Variants in ERBIN observed in about 807,000 individuals in gnomAD.
ERBIN encodes erbb2 interacting protein.
ERBIN carries 60 observed loss-of-function variants against 158.4 expected under a neutral mutation model. The ratio of observed to expected loss-of-function variants is 0.38; its 90% CI spans 0.31 to 0.47. The LOEUF (loss-of-function observed/expected upper bound fraction) is 0.47, where lower values mean the gene tolerates loss of function less well. ERBIN is among the 20% of genes least tolerant of loss of function. The pLI is 0.99. For missense variants in ERBIN, 1,610 were observed against 1,648.0 expected (o/e 0.98, Z 0.40); for synonymous variants, 594 against 557.2 (o/e 1.07, Z -0.93).
At chr5:66,044,671 A>G (rs1758237921) in intron 17 of ERBIN, among the ~76,000 whole-genome samples, 1 of 152,070 alleles carries the variant, frequency 6.6e-6, no homozygotes, top group Admixed American at 6.5e-5. Context: ...AGGCTGAGGC[A>G]GGAGAATCGC....
At chr5:66,068,497 A>G (rs1435045551) in intron 21 of ERBIN, among the ~76,000 whole-genome samples, 2 of 152,186 alleles carry the variant, frequency 1.3e-5, no homozygotes, top group Non-Finnish European at 2.9e-5. Context: ...ATCTTTATAT[A>G]GAGAAATTAA....
intron 23 of ERBIN, 104 bp downstream of exon 23, chr5:66,075,334 T>C: frequency 2.1e-6 from 2 of 941,410 alleles, no homozygotes; most frequent in South Asian, 1.6e-5. Flanking sequence ...AACGTAGTTA[T>C]TACCATTTAA....
chr5:66,068,990 C>T, intron 21 of ERBIN: 1 of 1,534,630 alleles, frequency 6.5e-7, no homozygotes, highest in Non-Finnish European at 8.7e-7. Context: ...GTGTTGCAGA[C>T]AGAAGAGGTT....
At chr5:66,012,307 G>T (rs1333281837) in intron 5 of ERBIN, among the ~76,000 whole-genome samples, 180 bp downstream of exon 5, 1 of 152,066 alleles carries the variant, frequency 6.6e-6, no homozygotes, top group Admixed American at 6.5e-5. Context: ...TACTACTGAG[G>T]TAAATTTGTG....
chr5:66,030,213 A>G (rs998949390), intron 14 of ERBIN, among the ~76,000 whole-genome samples: 9 of 148,554 alleles, frequency 6.1e-5, no homozygotes, highest in African/African-American at 1.7e-4. Flanking sequence ...TAATTTTTGT[A>G]TTTTTTTTAG....
At chr5:66,076,980 T>C in intron 25 of ERBIN, 31 bp downstream of exon 25, 1 of 1,382,396 alleles carries the variant, frequency 7.2e-7, no homozygotes, top group East Asian at 2.3e-5. Flanking sequence ...TTTTTTTCAT[T>C]TTATAACACT....
At chr5:65,997,432 C>A (rs1414663240) in intron 4 of ERBIN, among the ~76,000 whole-genome samples, 1 of 151,962 alleles carries the variant, frequency 6.6e-6, no homozygotes. Context: ...GCCAGGTAGT[C>A]TTGTTTAGTA....
intron 1 of ERBIN, among the ~76,000 whole-genome samples, chr5:65,933,054 A>G (rs1418760547): frequency 1.3e-5 from 2 of 152,176 alleles, no homozygotes; most frequent in African/African-American, 2.4e-5. Context: ...TGGTCTCCCA[A>G]AGTGCTGGGA....
At chr5:65,976,021 G>A (rs555387228) in intron 1 of ERBIN, among the ~76,000 whole-genome samples, 4 of 152,170 alleles carry the variant, frequency 2.6e-5, no homozygotes, top group African/African-American at 9.7e-5. Context: ...ATTCATGGAG[G>A]AAAAGAAGTT....
At position 66,081,442 on chromosome 5, in the gene ERBIN, T is replaced by A. The variant is rs1762380467; in HGVS notation, c.*2912T>A. 6.6e-6 allele frequency: 1 copy of A among 152,082 alleles called. No homozygotes were observed. The highest frequency in any genetic ancestry group is 2.1e-4 in the South Asian group (1 of 4,836). 9.4% of individuals were successfully genotyped at this position (152,082 alleles called of 1,614,324 possible). A position where few individuals can be genotyped will look rare whatever the true frequency, so the allele number is the denominator to read the frequency against. ...GTATTAATTTGCTGCACTTAAAAAATCCCATTAGCAGCTATGTAATATTTT... is the reference window on the plus strand; with the variant it reads ...GTATTAATTTGCTGCACTTAAAAAAACCCATTAGCAGCTATGTAATATTTT... On this transcript the variant is annotated 3_prime_UTR_variant, in exon 26 of 26. Transcript: ENST00000284037.
intron 14 of ERBIN, among the ~76,000 whole-genome samples, chr5:66,029,539 G>C (rs114218814): frequency 0.022 from 3,307 of 151,940 alleles, 120 homozygotes; most frequent in African/African-American, 0.072. Context: ...TTTTTAACTG[G>C]GTACCCTTTT....
At chr5:66,037,495 T>G (rs1207117766) in intron 14 of ERBIN, among the ~76,000 whole-genome samples, 1 of 152,140 alleles carries the variant, frequency 6.6e-6, no homozygotes, top group African/African-American at 2.4e-5. Context: ...GTTTCCATTA[T>G]CTGAGAGTTA....
At chr5:65,998,576 T>A (rs1218096941) in intron 4 of ERBIN, among the ~76,000 whole-genome samples, 2 of 152,030 alleles carry the variant, frequency 1.3e-5, no homozygotes, top group African/African-American at 4.8e-5. Flanking sequence ...TCATGCATAG[T>A]GATGTCCTGC....
chr5:65,998,822 G>A (rs949649699), intron 4 of ERBIN, among the ~76,000 whole-genome samples: 1 of 150,052 alleles, frequency 6.7e-6, no homozygotes, highest in Non-Finnish European at 1.5e-5. Flanking sequence ...TTGAGCCTGG[G>A]AAGTCAAGGC....
chr5:65,947,093 T>C (rs138082125), intron 1 of ERBIN, among the ~76,000 whole-genome samples: 2,465 of 152,300 alleles, frequency 0.016, 33 homozygotes, highest in Middle Eastern at 0.034. Context: ...ACAAAAGCTT[T>C]TAATTTTGAT....
chr5:65,929,543 T>C (rs1743099035), intron 1 of ERBIN, among the ~76,000 whole-genome samples: 1 of 152,166 alleles, frequency 6.6e-6, no homozygotes, highest in South Asian at 2.1e-4. Context: ...CCTTGCTCAT[T>C]CATTTCTTGA....
At chr5:66,018,592 A>ATT (rs1262309309) in intron 7 of ERBIN, among the ~76,000 whole-genome samples, 977 of 61,574 alleles carry the variant, frequency 0.016, 406 homozygotes, top group Non-Finnish European at 0.024. Context: ...TATATTATAT[A>ATT]ATATATATTA....
At chr5:65,946,262 G>C (rs1316867849) in intron 1 of ERBIN, among the ~76,000 whole-genome samples, 1 of 152,074 alleles carries the variant, frequency 6.6e-6, no homozygotes, top group East Asian at 1.9e-4. Context: ...TACTCAGGAG[G>C]CTAAGATGGA....
chr5:65,986,529 C>T (rs1368426079), intron 1 of ERBIN, among the ~76,000 whole-genome samples: 1 of 152,142 alleles, frequency 6.6e-6, no homozygotes, highest in Non-Finnish European at 1.5e-5. Context: ...GGCATAGCGA[C>T]AAATAGTTTG....
Sources: allele counts gnomAD v4.1 joint callset (sites outside exome capture counted in the v4.1 genomes callset), GRCh38; gene constraint gnomAD v4.1.1; transcripts MANE v1.5; gene names NCBI Gene and HGNC (gene_info 2026-07-23, HGNC 2026-07-21).